The following MGAT4C variants were observed in gnomAD, a reference collection of about 807,000 sequenced individuals.
MGAT4C encodes the protein MGAT4 family member C.
Under a neutral mutation model 40.1 loss-of-function variants are expected in MGAT4C, and 19 were observed. That is an observed-to-expected ratio of 0.47 (90% confidence interval 0.33 to 0.70). MGAT4C has a LOEUF of 0.70. Among genes scored for constraint, MGAT4C ranks in the 30% least tolerant of loss-of-function variants. MGAT4C has a pLI of 0.02. For missense variants in MGAT4C, 491 were observed against 563.2 expected, an observed-to-expected ratio of 0.87 and a Z score of 1.30; for synonymous variants, 181 against 187.1, an observed-to-expected ratio of 0.97 and a Z score of 0.27.
At chr12:86,141,679 T>A (rs1283000980) in intron 1 of MGAT4C, among the ~76,000 whole-genome samples, 2 of 152,246 alleles carry the variant, frequency 1.3e-5, no homozygotes, top group East Asian at 3.9e-4. Context: ...TATTAACCAA[T>A]TACCAGCTAT....
At chr12:86,493,975 A>G (rs942797323) in intron 2 of MGAT4C, among the ~76,000 whole-genome samples, 1 of 151,944 alleles carries the variant, frequency 6.6e-6, no homozygotes, top group Non-Finnish European at 1.5e-5. Context: ...GTACTACTTT[A>G]TTGAGTTACA....
intron 3 of MGAT4C, among the ~76,000 whole-genome samples, chr12:86,352,833 C>G (rs1955197581): frequency 7.3e-6 from 1 of 136,872 alleles, no homozygotes; most frequent in Non-Finnish European, 1.5e-5. Flanking sequence ...CACATGGACA[C>G]AGGAAGGGGA....
At chr12:86,063,748 A>G (rs181536107) in intron 1 of MGAT4C, among the ~76,000 whole-genome samples, 15 of 152,368 alleles carry the variant, frequency 9.8e-5, no homozygotes, top group East Asian at 1.9e-4. Context: ...AGCGGTTGCA[A>G]TCCTTGTCTC....
chr12:86,373,976 G>A (rs1187445481), intron 3 of MGAT4C, among the ~76,000 whole-genome samples: 1 of 152,060 alleles, frequency 6.6e-6, no homozygotes, highest in Non-Finnish European at 1.5e-5. Flanking sequence ...CTTTGAATGT[G>A]TACTAAGTTT....
chr12:86,617,500 A>G (rs1183162273), intron 2 of MGAT4C, among the ~76,000 whole-genome samples: 1 of 152,186 alleles, frequency 6.6e-6, no homozygotes, highest in Non-Finnish European at 1.5e-5. Context: ...CATCCTGGCT[A>G]ACACGGTGAA....
intron 3 of MGAT4C, among the ~76,000 whole-genome samples, chr12:86,341,950 G>A (rs1290233706): frequency 6.6e-6 from 1 of 152,162 alleles, no homozygotes; most frequent in Non-Finnish European, 1.5e-5. Flanking sequence ...TGGAGTGCCT[G>A]AGGTGACAGA....
chr12:85,984,865 G>A (rs935476701), intron 3 of MGAT4C, among the ~76,000 whole-genome samples: 1 of 151,922 alleles, frequency 6.6e-6, no homozygotes, highest in Admixed American at 6.6e-5. Flanking sequence ...TATAACCTCC[G>A]CCTCCTAGGT....
At chr12:86,055,377 G>T (rs139898990) in intron 1 of MGAT4C, among the ~76,000 whole-genome samples, 21 of 152,126 alleles carry the variant, frequency 1.4e-4, no homozygotes, top group African/African-American at 5.1e-4. Flanking sequence ...AATATTAAGT[G>T]ACTAGAGAAT....
chr12:86,470,109 C>T (rs1016764928), intron 2 of MGAT4C, among the ~76,000 whole-genome samples: 1 of 151,932 alleles, frequency 6.6e-6, no homozygotes, highest in Admixed American at 6.6e-5. Flanking sequence ...TTGGCTATTG[C>T]AAAATATCTA....
At chr12:86,338,771 C>A (rs1278086830) in intron 3 of MGAT4C, among the ~76,000 whole-genome samples, 1 of 151,754 alleles carries the variant, frequency 6.6e-6, no homozygotes, top group African/African-American at 2.4e-5. Context: ...ACCAGCCTGG[C>A]CAACATCGTG....
intron 4 of MGAT4C, among the ~76,000 whole-genome samples, chr12:86,288,909 A>G (rs1364689998): frequency 6.6e-6 from 1 of 152,044 alleles, no homozygotes; most frequent in African/African-American, 2.4e-5. Context: ...GAAGCTCTTT[A>G]GTTTAATTAG....
chr12:86,538,123 T>A (rs11103981), intron 2 of MGAT4C, among the ~76,000 whole-genome samples: 1,810 of 151,976 alleles, frequency 0.012, 21 homozygotes, highest in Non-Finnish European at 0.019. Context: ...TAATAAAAAA[T>A]TTATTTGTAT....
intron 2 of MGAT4C, among the ~76,000 whole-genome samples, chr12:86,477,718 T>C (rs1176692116): frequency 1.3e-5 from 2 of 152,028 alleles, no homozygotes; most frequent in African/African-American, 2.4e-5. Context: ...TTACATTAGG[T>C]ATATCTCCTA....
chr12:86,160,622 T>C (rs1885488437), intron 1 of MGAT4C, among the ~76,000 whole-genome samples: 1 of 152,026 alleles, frequency 6.6e-6, no homozygotes, highest in Non-Finnish European at 1.5e-5. Flanking sequence ...AAGTCTAGAG[T>C]TTCCTTGTTA....
intron 4 of MGAT4C, among the ~76,000 whole-genome samples, chr12:86,288,767 TC>T (rs765852311): frequency 1.3e-5 from 2 of 152,138 alleles, no homozygotes; most frequent in Non-Finnish European, 2.9e-5. Flanking sequence ...GGGTTGTTTT[TC>T]CCTTGTAAAT....
chr12:85,981,612 C>T (rs2136688613), intron 4 of MGAT4C, among the ~76,000 whole-genome samples: 1 of 152,224 alleles, frequency 6.6e-6, no homozygotes. Flanking sequence ...ATGCTGTCTA[C>T]ATAAGAGGCA....
chr12:86,694,295 G>A (rs1052280156), intron 2 of MGAT4C, among the ~76,000 whole-genome samples: 1 of 149,046 alleles, frequency 6.7e-6, no homozygotes, highest in Non-Finnish European at 1.5e-5. Flanking sequence ...TTTTTTATAT[G>A]TCCAAAATAA....
In MGAT4C at chr12:86,776,994, G is replaced by C. The variant is rs563003619; in HGVS notation, c.-261-49753C>G. 2.7e-4 allele frequency among the ~76,000 whole-genome samples: 41 copies of C among 152,172 alleles called. No individual in the cohort carries two copies. In the South Asian group the frequency reaches 8.3e-3, roughly 31 times the overall value. ...ATATAGCCAAATAAAATTGTACCTA[G>C]TAGCTATCTAGGACTTACCCACTTC... On this transcript the variant is annotated intron_variant, in intron 1 of 7. Transcript: ENST00000548651.
At chr12:86,223,118 A>G (rs893864016) in intron 1 of MGAT4C, among the ~76,000 whole-genome samples, 2 of 152,156 alleles carry the variant, frequency 1.3e-5, no homozygotes, top group African/African-American at 4.8e-5. Flanking sequence ...CAAGTCCCCA[A>G]AGGAAGCCAG....
Sources: gnomAD v4.1 joint callset for allele counts (sites outside exome capture counted in the v4.1 genomes callset) on GRCh38, gnomAD v4.1.1 for gene constraint, MANE v1.5 for transcripts, NCBI Gene and HGNC (gene_info 2026-07-23, HGNC 2026-07-21) for gene names.